The following ARHGAP6 variants were observed in gnomAD, a reference collection of about 807,000 sequenced individuals.
The protein encoded by ARHGAP6 is rho GTPase-activating protein 6.
A neutral mutation model predicts 55.7 loss-of-function variants in ARHGAP6; 16 were observed. The observed-to-expected ratio is 0.29, with a 90% CI of 0.19 to 0.44. The LOEUF (loss-of-function observed/expected upper bound fraction) is 0.44. ARHGAP6 is among the 20% of genes least tolerant of loss of function. ARHGAP6 has a pLI of 1.00. For missense variants in ARHGAP6, 698 were observed against 808.9 expected, an observed-to-expected ratio of 0.86 and a Z score of 1.66; for synonymous variants, 382 against 360.9, an observed-to-expected ratio of 1.06 and a Z score of -0.66.
intron 2 of ARHGAP6, among the ~76,000 whole-genome samples, chrX:11,238,563 A>G (rs2047234290): frequency 8.9e-6 from 1 of 112,194 alleles, no homozygotes; most frequent in South Asian, 3.7e-4. Context: ...CCAGCCCTCC[A>G]TGGGCCAGAA....
At chrX:11,581,394 C>A (rs751544989) in intron 1 of ARHGAP6, among the ~76,000 whole-genome samples, 38 of 111,639 alleles carry the variant, frequency 3.4e-4, no homozygotes, top group African/African-American at 1.2e-3. Context: ...TGGAATATAA[C>A]CTAACAATTC....
chrX:11,224,984 C>G (rs1363211009), intron 2 of ARHGAP6, among the ~76,000 whole-genome samples: 2 of 111,290 alleles, frequency 1.8e-5, no homozygotes, highest in Admixed American at 1.9e-4. Flanking sequence ...CCTCAGTTGC[C>G]TTATCTATGA....
chrX:11,607,863 C>T (rs2052054049), intron 1 of ARHGAP6, among the ~76,000 whole-genome samples: 1 of 112,044 alleles, frequency 8.9e-6, no homozygotes, highest in African/African-American at 3.2e-5. Context: ...AGTGCAAAAG[C>T]CTAACAGCAC....
chrX:11,262,612 T>TCTTC (rs1569277293), intron 1 of ARHGAP6, among the ~76,000 whole-genome samples: 2 of 111,638 alleles, frequency 1.8e-5, no homozygotes, highest in African/African-American at 6.5e-5. Context: ...ACCCAAGGCA[T>TCTTC]CGGAATCACG....
intron 1 of ARHGAP6, among the ~76,000 whole-genome samples, chrX:11,461,345 T>C (rs2050242832): frequency 9.0e-6 from 1 of 110,974 alleles, no homozygotes; most frequent in Non-Finnish European, 1.9e-5. Flanking sequence ...AGGACAAGAG[T>C]TATAGAAGAA....
chrX:11,258,698 C>T (rs1230339395), intron 1 of ARHGAP6, among the ~76,000 whole-genome samples: 1 of 111,810 alleles, frequency 8.9e-6, no homozygotes, highest in East Asian at 2.8e-4. Flanking sequence ...TTATATATTG[C>T]AGCCCACGGT....
intron 2 of ARHGAP6, among the ~76,000 whole-genome samples, chrX:11,207,393 A>ATTGT (rs1040555427): frequency 1.8e-5 from 2 of 111,785 alleles, no homozygotes; most frequent in Admixed American, 9.5e-5. Flanking sequence ...TGTGCTCTAA[A>ATTGT]TTGTTTGTTT....
At chrX:11,625,634 T>C (rs182757336) in intron 1 of ARHGAP6, among the ~76,000 whole-genome samples, 11 of 111,458 alleles carry the variant, frequency 9.9e-5, no homozygotes, top group Non-Finnish European at 1.1e-4. Context: ...AGGACAAATA[T>C]AGTTAACAGT....
intron 2 of ARHGAP6, among the ~76,000 whole-genome samples, chrX:11,217,602 C>T (rs1478210880): frequency 1.8e-5 from 2 of 111,794 alleles, no homozygotes; most frequent in Non-Finnish European, 3.8e-5. Context: ...CTTGTAGATT[C>T]TGGATATTAG....
intron 1 of ARHGAP6, among the ~76,000 whole-genome samples, chrX:11,450,704 C>T (rs2050136056): frequency 8.9e-6 from 1 of 112,072 alleles, no homozygotes; most frequent in African/African-American, 3.2e-5. Flanking sequence ...TGGTCCAAAG[C>T]AGGGTTTCTA....
intron 1 of ARHGAP6, among the ~76,000 whole-genome samples, chrX:11,388,374 A>G (rs2049358598): frequency 9.0e-6 from 1 of 111,664 alleles, no homozygotes; most frequent in Admixed American, 9.5e-5. Context: ...GTCTGTTCAT[A>G]TCCTTCACCC....
intron 1 of ARHGAP6, among the ~76,000 whole-genome samples, chrX:11,453,374 G>A (rs1393021635): frequency 1.9e-4 from 20 of 104,467 alleles, no homozygotes; most frequent in Non-Finnish European, 3.7e-4. Flanking sequence ...TCTCCAGAAT[G>A]TTAAAGATCT....
At chrX:11,575,958 T>A (rs988839801) in intron 1 of ARHGAP6, among the ~76,000 whole-genome samples, 1 of 112,510 alleles carries the variant, frequency 8.9e-6, no homozygotes, top group Non-Finnish European at 1.9e-5. Context: ...TCATATCTTG[T>A]GAATCTGACT....
chrX:11,174,773 C>T (rs953251985), intron 8 of ARHGAP6, among the ~76,000 whole-genome samples: 8 of 105,064 alleles, frequency 7.6e-5, no homozygotes, highest in African/African-American at 2.4e-4. Flanking sequence ...CTGCAAGCTC[C>T]GCCTCCCAGG....
chrX:11,138,610 C>T lies in ARHGAP6; in HGVS notation c.*253G>A, dbSNP rs2045575995. On this transcript the variant is annotated 3_prime_UTR_variant, in exon 13 of 13. Transcript: ENST00000337414. Reference sequence around the variant, plus strand: ...TCTTATATTATAGAGCCAAGAGGGACGTTTTTAGATTGGACATTGCCATCT... The same window carrying T: ...TCTTATATTATAGAGCCAAGAGGGATGTTTTTAGATTGGACATTGCCATCT... 3 of 413,909 alleles carry T rather than the reference C, an allele frequency of 7.2e-6. No individual in the cohort carries two copies. Among genetic ancestry groups the T allele is most frequent in the Non-Finnish European group, 1.2e-5 (3 of 240,169 alleles). 34.1% of individuals were successfully genotyped at this position (413,909 alleles called of 1,213,427 possible).
chrX:11,248,746 T>TAATCAAAA (rs1386110311), intron 2 of ARHGAP6, among the ~76,000 whole-genome samples: 1 of 112,012 alleles, frequency 8.9e-6, no homozygotes, highest in Non-Finnish European at 1.9e-5. Flanking sequence ...AGAATGGCCA[T>TAATCAAAA]AATCAAAAAA....
At chrX:11,166,393 G>A (rs2046017319) in intron 9 of ARHGAP6, among the ~76,000 whole-genome samples, 1 of 111,477 alleles carries the variant, frequency 9.0e-6, no homozygotes, top group Non-Finnish European at 1.9e-5. Flanking sequence ...CTCCCTTTCC[G>A]AGCTCTTAAA....
At chrX:11,364,241 A>G (rs1014517576) in intron 1 of ARHGAP6, among the ~76,000 whole-genome samples, 3 of 110,079 alleles carry the variant, frequency 2.7e-5, no homozygotes, top group Admixed American at 9.7e-5. Context: ...TCGAAAAACT[A>G]CCTATTGAGT....
intron 1 of ARHGAP6, among the ~76,000 whole-genome samples, chrX:11,464,635 C>T (rs1204723902): frequency 8.9e-6 from 1 of 112,409 alleles, no homozygotes; most frequent in Non-Finnish European, 1.9e-5. Flanking sequence ...TCTTTCAAGA[C>T]TTTATTCCTC....
Sources: gnomAD v4.1 joint callset for allele counts (sites outside exome capture counted in the v4.1 genomes callset) on GRCh38, gnomAD v4.1.1 for gene constraint, MANE v1.5 for transcripts, NCBI Gene and HGNC (gene_info 2026-07-23, HGNC 2026-07-21) for gene names.